The following PROSER2 variants were observed in gnomAD, a reference collection of about 807,000 sequenced individuals.
PROSER2 encodes the protein proline and serine rich 2.
In PROSER2, 18 loss-of-function variants were observed where a neutral mutation model predicts 14.6. The observed-to-expected ratio is 1.23, with a 90% confidence interval of 0.85 to 1.83. PROSER2 has a LOEUF of 1.83. PROSER2 is among the 40% of genes most tolerant of loss of function. The pLI, the probability that PROSER2 is intolerant of heterozygous loss-of-function variation, is 0.00. For synonymous variants in PROSER2, 367 were observed against 286.4 expected, an observed-to-expected ratio of 1.28 and a Z score of -2.84; for missense variants, 823 against 629.8, an observed-to-expected ratio of 1.31 and a Z score of -3.28.
At chr10:11,853,543 C>T (rs929239094) in intron 2 of PROSER2, among the ~76,000 whole-genome samples, 2 of 152,124 alleles carry the variant, frequency 1.3e-5, no homozygotes, top group African/African-American at 2.4e-5. Context: ...GCTGAAATCG[C>T]GCCACTGCAC....
chr10:11,842,875 G>C (rs1252296883), intron 1 of PROSER2, among the ~76,000 whole-genome samples: 1 of 143,280 alleles, frequency 7.0e-6, no homozygotes, highest in African/African-American at 2.6e-5. Flanking sequence ...TTTTCAGCCT[G>C]TCTTGGTTTC....
At position 11,866,635 on chromosome 10, in the gene PROSER2, G is replaced by A. The variant is rs966782373; in HGVS notation, c.243G>A (p.Leu81=). 2.5e-6 allele frequency: 4 copies of A among 1,614,208 alleles called. No individual in the cohort carries two copies. The highest frequency in any genetic ancestry group is 2.7e-5 in the African/African-American group (2 of 75,062). Residue 81 remains leucine, a synonymous_variant, in exon 3 of 4, where the codon CTG becomes CTA. Coordinates refer to ENST00000277570, the MANE Select transcript of PROSER2 (RefSeq NM_153256.4). The surrounding 1 kb of genome is among the most constrained non-coding windows in gnomAD (Gnocchi z 6.0). ...ACGAGGACTTTGAGGAGCCAGTGCTGTGCGATGGAGGAGTGTGCTGCCTCT... is the reference window on the plus strand; with the variant it reads ...ACGAGGACTTTGAGGAGCCAGTGCTATGCGATGGAGGAGTGTGCTGCCTCT... ...SLDEDFEEPV[L]CDGGVCCLCS...
Position 11,869,411 on chromosome 10 carries a change from T to C in PROSER2, c.392-79T>C. 1 of 1,112,308 alleles carries C rather than the reference T, an allele frequency of 9.0e-7. No individual in the cohort carries two copies. 68.9% of individuals were successfully genotyped at this position (1,112,308 alleles called of 1,614,324 possible). A position where few individuals can be genotyped will look rare whatever the true frequency, so the allele number is the denominator to read the frequency against. On this transcript the variant is annotated intron_variant, in intron 3 of 3. Transcript: ENST00000277570. This position sits in a 1 kb window ranked among gnomAD's most constrained non-coding sequence, Gnocchi z 4.4. ...GTGTCAGGTCCAGGTTGAGGCTCTT[T>C]TCAGTTCAGCGAGAGGGAACTTCAT... is the stretch of plus-strand genomic sequence containing the variant.
At chr10:11,857,906 T>C (rs1834154576) in intron 2 of PROSER2, among the ~76,000 whole-genome samples, 1 of 152,118 alleles carries the variant, frequency 6.6e-6, no homozygotes, top group Admixed American at 6.5e-5. Context: ...GTTGCCACAA[T>C]TGTCTTAGTC....
chr10:11,852,383 T>C (rs951047238), intron 2 of PROSER2, among the ~76,000 whole-genome samples, 168 bp downstream of exon 2: 2 of 152,182 alleles, frequency 1.3e-5, no homozygotes, highest in Admixed American at 1.3e-4. Flanking sequence ...ATCTTAAATT[T>C]TGCACAAATA....
At chr10:11,827,634 A>G (rs1036700571) in intron 1 of PROSER2, among the ~76,000 whole-genome samples, 1 of 150,984 alleles carries the variant, frequency 6.6e-6, no homozygotes, top group Non-Finnish European at 1.5e-5. Flanking sequence ...ACCACGTACA[A>G]TGTGCCAAGC....
At chr10:11,829,440 C>T (rs1215424706) in intron 1 of PROSER2, among the ~76,000 whole-genome samples, 3 of 151,554 alleles carry the variant, frequency 2.0e-5, no homozygotes, top group African/African-American at 4.9e-5. Context: ...AAAAATTAGC[C>T]AGGTGTGGTA....
At chr10:11,828,393 ATT>A (rs972668464) in intron 1 of PROSER2, among the ~76,000 whole-genome samples, 9 of 151,704 alleles carry the variant, frequency 5.9e-5, no homozygotes, top group African/African-American at 2.2e-4. Context: ...TACAATTGGT[ATT>A]TTCTATAAAT....
At chr10:11,833,530 A>G (rs1290920464) in intron 1 of PROSER2, among the ~76,000 whole-genome samples, 1 of 151,940 alleles carries the variant, frequency 6.6e-6, no homozygotes, top group East Asian at 1.9e-4. Context: ...ATCTCTACTC[A>G]AAATACAAAA....
In PROSER2 at chr10:11,836,504, C is replaced by T. The variant is rs188359213; in HGVS notation, c.-82+13034C>T. Among the ~76,000 whole-genome samples, 200 of 152,180 alleles carry T rather than the reference C, an allele frequency of 1.3e-3. 3 individuals carry two copies. The highest frequency in any genetic ancestry group is 4.5e-3 in the African/African-American group (185 of 41,508). On this transcript the variant is annotated intron_variant, in intron 1 of 3. Transcript: ENST00000277570. The surrounding 1 kb of genome is among the most constrained non-coding windows in gnomAD (Gnocchi z 4.6). ...GAGCCACCACGCCTGGCCAGGATGT[C>T]GCTTTAAAGACAATTTCTTTCCTAA... is the stretch of plus-strand genomic sequence containing the variant.
At position 11,837,813 on chromosome 10, in the gene PROSER2, C is replaced by T. The variant is rs1428975648; in HGVS notation, c.-81-14184C>T. 1.3e-5 allele frequency among the ~76,000 whole-genome samples: 2 copies of T among 152,162 alleles called. No individual in the cohort carries two copies. Among genetic ancestry groups the T allele is most frequent in the Non-Finnish European group, 2.9e-5 (2 of 68,028 alleles). Reference sequence around the variant, plus strand: ...ATTATTTGTTCCAGCTTAGATTCTTCAGTAAAGTGCGTTGGGTTAACCGTT... The same window carrying T: ...ATTATTTGTTCCAGCTTAGATTCTTTAGTAAAGTGCGTTGGGTTAACCGTT... On this transcript the variant is annotated intron_variant, in intron 1 of 3. Coordinates refer to ENST00000277570, the MANE Select transcript of PROSER2 (RefSeq NM_153256.4). The surrounding 1 kb of genome is among the most constrained non-coding windows in gnomAD (Gnocchi z 4.6).
At chr10:11,831,122 A>G (rs1833684206) in intron 1 of PROSER2, among the ~76,000 whole-genome samples, 1 of 152,222 alleles carries the variant, frequency 6.6e-6, no homozygotes, top group African/African-American at 2.4e-5. Flanking sequence ...CTGCCAGTCT[A>G]ACCAGGTGTT....
chr10:11,864,816 G>A (rs1013629699), intron 2 of PROSER2, among the ~76,000 whole-genome samples: 3 of 152,134 alleles, frequency 2.0e-5, no homozygotes, highest in Non-Finnish European at 4.4e-5. Flanking sequence ...CTCGAACTCT[G>A]GAGCTCGAGT....
chr10:11,845,103 G>GAAAA (rs1322926062), intron 1 of PROSER2, among the ~76,000 whole-genome samples: 2 of 151,984 alleles, frequency 1.3e-5, no homozygotes, highest in African/African-American at 4.8e-5. Flanking sequence ...GAAAATAATG[G>GAAAA]AAAAAAACCT....
rs1292863048 is a variant in PROSER2, at chr10:11,872,157, G to T, written c.*1751G>T. The T allele has an allele frequency of 6.6e-6, 1 of 152,212 alleles. No individual in the cohort carries two copies. 9.4% of individuals were successfully genotyped at this position (152,212 alleles called of 1,614,324 possible). On this transcript the variant is annotated 3_prime_UTR_variant, in exon 4 of 4. Coordinates refer to ENST00000277570, the MANE Select transcript of PROSER2 (RefSeq NM_153256.4). ...ATTTTAAATATTCTTTATACATGAG[G>T]ACTGCATCTTTTTCACTGACCCTAT... is the stretch of plus-strand genomic sequence containing the variant.
chr10:11,852,431 T>A (rs1834038656), intron 2 of PROSER2, among the ~76,000 whole-genome samples: 1 of 152,194 alleles, frequency 6.6e-6, no homozygotes, highest in African/African-American at 2.4e-5. Context: ...AATCCCTCGC[T>A]GTGGCCAGTA....
At position 11,869,578 on chromosome 10, in the gene PROSER2, G is replaced by T; in HGVS notation, c.480G>T (p.Ala160=). 1 of 1,609,766 alleles carries T rather than the reference G, an allele frequency of 6.2e-7. No homozygotes were observed. Among genetic ancestry groups the T allele is most frequent in the Non-Finnish European group, 8.5e-7 (1 of 1,176,968 alleles). ...PDPPAPETLL[A]PPPLPSTPDP... ...CCCCGGCTCCCGAGACCCTTCTTGC[G>T]CCACCACCCCTGCCTAGCACCCCCG... The change falls in exon 4 of 4, where the codon GCG becomes GCT. Residue 160 remains alanine, a synonymous_variant. Transcript: ENST00000277570. The surrounding 1 kb of genome is among the most constrained non-coding windows in gnomAD (Gnocchi z 4.4).
At position 11,823,864 on chromosome 10, in the gene PROSER2, C is replaced by G. The variant is rs1281222150; in HGVS notation, c.-82+394C>G. ...CCCCTGTCCTTTGCGCCGTGGGACC[C>G]CATGCGGCCTCGGGGAGAGGGTGCG... On this transcript the variant is annotated intron_variant, in intron 1 of 3. Coordinates refer to ENST00000277570, the MANE Select transcript of PROSER2 (RefSeq NM_153256.4). The surrounding 1 kb of genome is among the most constrained non-coding windows in gnomAD (Gnocchi z 6.2). 1.3e-5 allele frequency among the ~76,000 whole-genome samples: 2 copies of G among 152,200 alleles called. No homozygotes were observed. Among genetic ancestry groups the G allele is most frequent in the Non-Finnish European group, 2.9e-5 (2 of 68,028 alleles).
rs1168943899 is a variant in PROSER2 at position 11,869,685 on chromosome 10, T to C, written c.587T>C (p.Val196Ala). Reference protein sequence around the residue: ...RLLRSVPTPLVMAQKISERMA... With the variant: ...RLLRSVPTPLAMAQKISERMA... ...CTGCGCTCTGTTCCCACGCCCCTCG[T>C]TATGGCGCAGAAGATTTCCGAGAGG... The change falls in exon 4 of 4, where the codon GTT becomes GCT. Residue 196 changes from valine (V) to alanine (A), a missense_variant. Physicochemically the swap from Val to Ala is moderately conservative, Grantham distance 64 (BLOSUM62 0). Coordinates refer to ENST00000277570, the MANE Select transcript of PROSER2 (RefSeq NM_153256.4). The surrounding 1 kb of genome is among the most constrained non-coding windows in gnomAD (Gnocchi z 4.4). 6.3e-7 allele frequency: 1 copy of C among 1,598,200 alleles called. No homozygotes were observed. Among genetic ancestry groups the C allele is most frequent in the Non-Finnish European group, 8.5e-7 (1 of 1,172,998 alleles).
Sources: allele counts gnomAD v4.1 joint callset (sites outside exome capture counted in the v4.1 genomes callset), GRCh38; gene constraint gnomAD v4.1.1; non-coding constraint Gnocchi (gnomAD v3.1); transcripts MANE v1.5; gene names NCBI Gene and HGNC (gene_info 2026-07-23, HGNC 2026-07-21).